The following ATAD2 variants were observed in gnomAD, a reference collection of about 807,000 sequenced individuals.
The protein encoded by ATAD2 is ATPase family AAA domain-containing protein 2.
A neutral mutation model predicts 168.9 loss-of-function variants in ATAD2; 62 were observed. That is an observed-to-expected ratio of 0.37 (90% CI 0.30 to 0.45). The LOEUF (loss-of-function observed/expected upper bound fraction) is 0.45, where lower values mean the gene tolerates loss of function less well. Among genes scored for constraint, ATAD2 ranks in the 20% least tolerant of loss-of-function variants. The pLI is 1.00. For missense variants in ATAD2, 1,419 were observed against 1,667.8 expected, an observed-to-expected ratio of 0.85 and a Z score of 2.60; for synonymous variants, 613 against 571.6, an observed-to-expected ratio of 1.07 and a Z score of -1.03.
At chr8:123,327,750 G>A (rs1156647157) in intron 25 of ATAD2, among the ~76,000 whole-genome samples, 3 of 152,132 alleles carry the variant, frequency 2.0e-5, no homozygotes, top group Non-Finnish European at 4.4e-5. Flanking sequence ...TACAATAAGG[G>A]ATAGAAAAAT....
chr8:123,364,341 G>A (rs1219751310), intron 8 of ATAD2, among the ~76,000 whole-genome samples: 1 of 152,088 alleles, frequency 6.6e-6, no homozygotes, highest in East Asian at 1.9e-4. Flanking sequence ...CTATACTGTA[G>A]AAAGGTCATT....
chr8:123,401,403 A>G, upstream of ATAD2: 3 of 1,387,740 alleles, frequency 2.2e-6, no homozygotes, highest in Non-Finnish European at 3.0e-6. Flanking sequence ...ACTTGTCCGA[A>G]GGGAACTTGC....
chr8:123,401,483 G>C, intron 1 of ATAD2: 2 of 1,570,926 alleles, frequency 1.3e-6, no homozygotes, highest in Non-Finnish European at 1.7e-6. Context: ...GGGGGAACGT[G>C]GTGACAGCAG....
intron 13 of ATAD2, among the ~76,000 whole-genome samples, chr8:123,354,850 AAAAAAAAAAAAAAAATAT>A (rs1416035072): frequency 8.5e-6 from 1 of 117,360 alleles, no homozygotes; most frequent in African/African-American, 4.0e-5. Flanking sequence ...AAAAAAAAAA[AAAAAAAAAAAAAAAATAT>A]ATATATATAT....
intron 13 of ATAD2, among the ~76,000 whole-genome samples, chr8:123,351,175 G>A (rs983788537): frequency 6.6e-6 from 1 of 152,128 alleles, no homozygotes; most frequent in African/African-American, 2.4e-5. Context: ...AGTGGGTTGA[G>A]TTTCGGTCAG....
At position 123,346,749 on chromosome 8, in the gene ATAD2, A is replaced by G. The variant is rs1295418316; in HGVS notation, c.2214T>C (p.Asp738=). The G allele has an allele frequency of 1.3e-6, 2 of 1,581,588 alleles. No individual in the cohort carries two copies. Among genetic ancestry groups the G allele is most frequent in the Non-Finnish European group, 1.7e-6 (2 of 1,170,874 alleles). The change falls in exon 17 of 28, where the codon GAT becomes GAC. Residue 738 remains aspartate (D), a splice_region_variant and synonymous_variant. Coordinates refer to ENST00000287394, the MANE Select transcript of ATAD2 (RefSeq NM_014109.4). ...EFRTNKTLDS[D]ISCPLLESDL... ...CACTTTCTAGCAGAGGACAAGAAAT[A>G]TCTATAAAACCAAAAAATTGTACAT... is the stretch of plus-strand genomic sequence containing the variant.
intron 15 of ATAD2, 53 bp downstream of exon 15, chr8:123,348,130 T>C (rs996605039): frequency 2.2e-6 from 3 of 1,392,366 alleles, no homozygotes; most frequent in Non-Finnish European, 3.0e-6. Flanking sequence ...ATAACTTGTT[T>C]CATATTTGAA....
chr8:123,351,940 G>A (rs1371855314), intron 13 of ATAD2, among the ~76,000 whole-genome samples: 1 of 151,940 alleles, frequency 6.6e-6, no homozygotes, highest in Non-Finnish European at 1.5e-5. Flanking sequence ...AGTAGAGATG[G>A]GGTTTCACCG....
At chr8:123,341,830 T>C (rs887000257) in intron 19 of ATAD2, among the ~76,000 whole-genome samples, 1 of 152,152 alleles carries the variant, frequency 6.6e-6, no homozygotes, top group Non-Finnish European at 1.5e-5. Context: ...GAAGGCTACA[T>C]GATGAAAATA....
intron 19 of ATAD2, among the ~76,000 whole-genome samples, chr8:123,342,704 T>C (rs1563839597): frequency 1.3e-5 from 2 of 152,210 alleles, no homozygotes; most frequent in East Asian, 3.8e-4. Flanking sequence ...ATTCATTTCC[T>C]AGCTTATTTA....
chr8:123,338,206 A>AT (rs1255497358), intron 20 of ATAD2, among the ~76,000 whole-genome samples: 18 of 152,118 alleles, frequency 1.2e-4, no homozygotes, highest in Admixed American at 1.2e-3. Context: ...AATACAAAAA[A>AT]TTAGCTGGCG....
At chr8:123,407,347 G>A (rs1405189252) in intron 1 of ATAD2, among the ~76,000 whole-genome samples, 3 of 152,192 alleles carry the variant, frequency 2.0e-5, no homozygotes, top group South Asian at 4.1e-4. Flanking sequence ...TCTGGGATTG[G>A]TCTTCTCTTG....
chr8:123,362,212 G>A (rs1352968877), intron 8 of ATAD2, among the ~76,000 whole-genome samples: 1 of 150,210 alleles, frequency 6.7e-6, no homozygotes, highest in Non-Finnish European at 1.5e-5. Context: ...AGATTTGCTT[G>A]AGCCTGGGAG....
intron 13 of ATAD2, among the ~76,000 whole-genome samples, chr8:123,353,882 C>A (rs1828550981): frequency 6.6e-6 from 1 of 152,166 alleles, no homozygotes; most frequent in Non-Finnish European, 1.5e-5. Context: ...CCTGTAATCC[C>A]AGTACTTTGG....
chr8:123,368,181 G>A (rs1829036265), intron 8 of ATAD2, among the ~76,000 whole-genome samples: 1 of 152,190 alleles, frequency 6.6e-6, no homozygotes, highest in Admixed American at 6.5e-5. Context: ...ACTTTGGGAA[G>A]CTGAGGCGAG....
chr8:123,373,746 G>A (rs547949467), intron 2 of ATAD2, among the ~76,000 whole-genome samples: 37 of 136,400 alleles, frequency 2.7e-4, no homozygotes, highest in Non-Finnish European at 5.0e-4. Flanking sequence ...CCGAGATCCC[G>A]CCACTGCACT....
Position 123,396,336 on chromosome 8 carries a change from A to G in ATAD2, c.22T>C (p.Leu8=), listed in dbSNP as rs1376018692. 2.5e-6 allele frequency: 4 copies of G among 1,600,574 alleles called. No homozygotes were observed. In the East Asian group the frequency reaches 6.9e-5, roughly 27 times the overall value. Residue 8 remains leucine, a synonymous_variant, in exon 1 of 28, where the codon TTG becomes CTG. Transcript: ENST00000287394. MVVLRSS[L]ELHNHSAASA... is the part of the protein sequence containing the mutation. Reference sequence around the variant, plus strand: ...GCCGCGGAGTGGTTGTGCAGCTCCAAGCTGCTGCGGAGAACCACCATCTTC... The same window carrying G: ...GCCGCGGAGTGGTTGTGCAGCTCCAGGCTGCTGCGGAGAACCACCATCTTC...
intron 1 of ATAD2, among the ~76,000 whole-genome samples, chr8:123,383,256 G>C (rs747672148): frequency 4.6e-5 from 7 of 152,028 alleles, no homozygotes; most frequent in Non-Finnish European, 8.8e-5. Flanking sequence ...ATGACAGGTT[G>C]ATGGGTGCAG....
At chr8:123,350,935 G>A (rs534780947) in intron 13 of ATAD2, among the ~76,000 whole-genome samples, 2 of 151,328 alleles carry the variant, frequency 1.3e-5, no homozygotes, top group Non-Finnish European at 2.9e-5. Context: ...ATTTCACCGT[G>A]TTAGCCAGGA....
Sources: gnomAD v4.1 joint callset for allele counts (sites outside exome capture counted in the v4.1 genomes callset) on GRCh38, gnomAD v4.1.1 for gene constraint, MANE v1.5 for transcripts, NCBI Gene and HGNC (gene_info 2026-07-23, HGNC 2026-07-21) for gene names.